Variants in CDCA7L observed in about 807,000 individuals in gnomAD.
CDCA7L encodes the protein cell division cycle-associated 7-like protein.
CDCA7L carries 44 observed loss-of-function variants against 57.4 expected under a neutral mutation model. The ratio of observed to expected loss-of-function variants is 0.77; its 90% CI spans 0.60 to 0.98. The LOEUF (loss-of-function observed/expected upper bound fraction) is 0.98. Among genes scored for constraint, CDCA7L ranks in the 50% least tolerant of loss-of-function variants. The pLI is 0.00. For synonymous variants in CDCA7L, 236 were observed against 202.8 expected, an observed-to-expected ratio of 1.16 and a Z score of -1.39; for missense variants, 644 against 580.6, an observed-to-expected ratio of 1.11 and a Z score of -1.12.
intron 1 of CDCA7L, among the ~76,000 whole-genome samples, chr7:21,932,952 A>G (rs1786060028): frequency 6.9e-6 from 1 of 144,704 alleles, no homozygotes; most frequent in African/African-American, 2.8e-5. Context: ...AAACAAATTT[A>G]TAAGAAAAAA....
At chr7:21,922,866 A>G (rs1785698479) in intron 1 of CDCA7L, among the ~76,000 whole-genome samples, 1 of 152,216 alleles carries the variant, frequency 6.6e-6, no homozygotes, top group African/African-American at 2.4e-5. Flanking sequence ...ACATGCCACA[A>G]CATGGATGAA....
chr7:21,907,294 A>G (rs976325376), intron 4 of CDCA7L, among the ~76,000 whole-genome samples: 3 of 152,214 alleles, frequency 2.0e-5, no homozygotes, highest in Non-Finnish European at 4.4e-5. Context: ...CCCTTAGCTA[A>G]GTAAAAATGT....
At chr7:21,909,192 C>T (rs1785236748) in intron 3 of CDCA7L, among the ~76,000 whole-genome samples, 1 of 152,240 alleles carries the variant, frequency 6.6e-6, no homozygotes, top group African/African-American at 2.4e-5. Flanking sequence ...AGCATTCAAA[C>T]ATTGCTCTGT....
intron 7 of CDCA7L, among the ~76,000 whole-genome samples, chr7:21,904,972 G>C (rs1478054458): frequency 1.3e-5 from 2 of 152,202 alleles, no homozygotes; most frequent in African/African-American, 4.8e-5. Context: ...TAGCTCTGCA[G>C]ACCTGGATAC....
chr7:21,912,991 A>T (rs961655517), intron 2 of CDCA7L, among the ~76,000 whole-genome samples: 2 of 152,104 alleles, frequency 1.3e-5, no homozygotes, highest in Admixed American at 1.3e-4. Context: ...GCCACACCTC[A>T]TCAAGACTAG....
chr7:21,921,404 A>G (rs1485367096), intron 1 of CDCA7L, among the ~76,000 whole-genome samples: 1 of 149,834 alleles, frequency 6.7e-6, no homozygotes, highest in Non-Finnish European at 1.5e-5. Context: ...TGATTTGTCT[A>G]ACAGATGCAA....
intron 1 of CDCA7L, among the ~76,000 whole-genome samples, chr7:21,936,157 A>G (rs1455995536): frequency 1.3e-5 from 2 of 152,240 alleles, no homozygotes; most frequent in Non-Finnish European, 2.9e-5. Flanking sequence ...AGATCTGAAT[A>G]TATTTGAAAT....
At chr7:21,923,451 C>T (rs1785727489) in intron 1 of CDCA7L, among the ~76,000 whole-genome samples, 1 of 152,082 alleles carries the variant, frequency 6.6e-6, no homozygotes, top group Non-Finnish European at 1.5e-5. Context: ...GAGCTATGAT[C>T]ATACCACTAC....
At chr7:21,928,913 C>T (rs1172798866) in intron 1 of CDCA7L, among the ~76,000 whole-genome samples, 1 of 152,160 alleles carries the variant, frequency 6.6e-6, no homozygotes, top group Non-Finnish European at 1.5e-5. Flanking sequence ...CTTCCCCAAC[C>T]TAGCAAGACA....
chr7:21,945,896 G>T lies in CDCA7L; in HGVS notation c.-92C>A. The T allele has an allele frequency of 7.1e-7, 1 of 1,402,124 alleles. No individual in the cohort carries two copies. Among genetic ancestry groups the T allele is most frequent in the Non-Finnish European group, 9.6e-7 (1 of 1,044,582 alleles). The allele number at this position is 1,402,124 out of a possible 1,614,324, so 86.9% of individuals were successfully genotyped here. On this transcript the variant is annotated 5_prime_UTR_variant, in exon 1 of 10. Coordinates refer to ENST00000406877, the MANE Select transcript of CDCA7L (RefSeq NM_018719.5). ...GGCGCACCAAGAACGCCCCGCGCCCGAGCAGCTAGCGCGCTCCGCCCGGAG... is the reference window on the plus strand; with the variant it reads ...GGCGCACCAAGAACGCCCCGCGCCCTAGCAGCTAGCGCGCTCCGCCCGGAG...
At chr7:21,940,651 A>G (rs1294716494) in intron 1 of CDCA7L, among the ~76,000 whole-genome samples, 1 of 152,204 alleles carries the variant, frequency 6.6e-6, no homozygotes, top group Non-Finnish European at 1.5e-5. Context: ...AGGAGCAGTA[A>G]CCTACATAGC....
At chr7:21,940,604 T>G (rs911115373) in intron 1 of CDCA7L, among the ~76,000 whole-genome samples, 3 of 152,220 alleles carry the variant, frequency 2.0e-5, no homozygotes, top group Non-Finnish European at 4.4e-5. Context: ...GGCGAGCACC[T>G]GAGCCAGCGG....
chr7:21,901,036 A>G lies in CDCA7L; in HGVS notation c.*1286T>C. Reference sequence around the variant, plus strand: ...CCGCTGGGACACCCAAGCAGGAACCATTGTTGAAGCCCGTCTCAAGGAGCT... The same window carrying G: ...CCGCTGGGACACCCAAGCAGGAACCGTTGTTGAAGCCCGTCTCAAGGAGCT... On this transcript the variant is annotated 3_prime_UTR_variant, in exon 10 of 10. Transcript: ENST00000406877. 6.2e-7 allele frequency: 1 copy of G among 1,610,938 alleles called. No homozygotes were observed. Among genetic ancestry groups the G allele is most frequent in the Non-Finnish European group, 8.5e-7 (1 of 1,178,412 alleles).
intron 6 of CDCA7L, among the ~76,000 whole-genome samples, chr7:21,905,905 C>G (rs1261538146): frequency 6.6e-6 from 1 of 152,200 alleles, no homozygotes; most frequent in African/African-American, 2.4e-5. Flanking sequence ...ACAGCCAAAC[C>G]CACAAATGGG....
intron 1 of CDCA7L, among the ~76,000 whole-genome samples, chr7:21,925,534 T>G (rs1018311382): frequency 6.6e-6 from 1 of 152,200 alleles, no homozygotes; most frequent in Admixed American, 6.5e-5. Flanking sequence ...CAGGAAAATG[T>G]AGCTAAACTC....
In CDCA7L at chr7:21,908,275, ATTG is replaced by A. The variant is rs1562622644; in HGVS notation, c.533_535del (p.Thr178del). On this transcript the variant is annotated inframe_deletion, in exon 4 of 10. Coordinates refer to ENST00000406877, the MANE Select transcript of CDCA7L (RefSeq NM_018719.5). Reference sequence around the variant, plus strand: ...TCTACAGTCTTTCTTTCTTTCAAGAATTGTTTTTTTCTCATTCTGTAAGCGTGC... The same window carrying A: ...TCTACAGTCTTTCTTTCTTTCAAGAATTTTTTTCTCATTCTGTAAGCGTGC... The A allele has an allele frequency of 1.2e-6, 2 of 1,613,334 alleles. No individual in the cohort carries two copies. The highest frequency in any genetic ancestry group is 2.2e-5 in the South Asian group (2 of 90,996).
In CDCA7L at chr7:21,945,856, G is replaced by A. The variant is rs1410854332; in HGVS notation, c.-52C>T. 11 of 1,569,440 alleles carry A rather than the reference G, an allele frequency of 7.0e-6. No individual in the cohort carries two copies. Among genetic ancestry groups the A allele is most frequent in the South Asian group, 5.8e-5 (5 of 86,258 alleles). On this transcript the variant is annotated 5_prime_UTR_variant, in exon 1 of 10. Transcript: ENST00000406877. Reference sequence around the variant, plus strand: ...CCCAGCACGCGGCCACGGGAGCCCGGACTCACCACGGCCCGGCGCACCAAG... The same window carrying A: ...CCCAGCACGCGGCCACGGGAGCCCGAACTCACCACGGCCCGGCGCACCAAG...
At chr7:21,918,264 T>C (rs1785548707) in intron 1 of CDCA7L, among the ~76,000 whole-genome samples, 1 of 152,216 alleles carries the variant, frequency 6.6e-6, no homozygotes. Flanking sequence ...TGAGCACACA[T>C]TGATCCTCCC....
intron 1 of CDCA7L, among the ~76,000 whole-genome samples, chr7:21,943,149 C>A (rs78324138): frequency 6.6e-6 from 1 of 152,150 alleles, no homozygotes; most frequent in Non-Finnish European, 1.5e-5. Flanking sequence ...CTTGCCTTTA[C>A]GAGCTATTTC....
Sources: gnomAD v4.1 joint callset for allele counts (sites outside exome capture counted in the v4.1 genomes callset) on GRCh38, gnomAD v4.1.1 for gene constraint, MANE v1.5 for transcripts, NCBI Gene and HGNC (gene_info 2026-07-23, HGNC 2026-07-21) for gene names.